STX8: variants seen among roughly 807,000 people sequenced by gnomAD.
The protein encoded by STX8 is syntaxin 8.
STX8 carries 23 observed loss-of-function variants against 37.5 expected under a neutral mutation model. The ratio of observed to expected loss-of-function variants is 0.61; its 90% confidence interval spans 0.44 to 0.87. STX8 has a LOEUF of 0.87. STX8 is among the 40% of genes least tolerant of loss of function. The pLI, the probability that STX8 is intolerant of heterozygous loss-of-function variation, is 0.00. For missense variants in STX8, 313 were observed against 284.7 expected (o/e 1.10, Z -0.71); for synonymous variants, 115 against 99.1 (o/e 1.16, Z -0.95).
intron 7 of STX8, among the ~76,000 whole-genome samples, chr17:9,305,805 C>T (rs1908964491): frequency 7.4e-6 from 1 of 134,676 alleles, no homozygotes; most frequent in Non-Finnish European, 1.5e-5. Flanking sequence ...AGTGCAGTGG[C>T]ATGATTCTGG....
chr17:9,502,479 GTTAA>G (rs762128539), intron 5 of STX8, among the ~76,000 whole-genome samples: 1 of 152,280 alleles, frequency 6.6e-6, no homozygotes, highest in African/African-American at 2.4e-5. Context: ...TTATACATAA[GTTAA>G]TTAGATTGAT....
chr17:9,469,802 C>T (rs1399493041), intron 6 of STX8: 2 of 152,176 alleles, frequency 1.3e-5, no homozygotes, highest in South Asian at 2.1e-4. Flanking sequence ...GAATCCTACA[C>T]GAGCTAGGAG....
intron 7 of STX8, among the ~76,000 whole-genome samples, chr17:9,286,853 G>T (rs1422519958): frequency 6.6e-6 from 1 of 152,108 alleles, no homozygotes; most frequent in African/African-American, 2.4e-5. Flanking sequence ...GGCTTCAGAG[G>T]TGTACCTGGG....
At chr17:9,270,109 C>T (rs1907395209) in intron 7 of STX8, among the ~76,000 whole-genome samples, 1 of 152,232 alleles carries the variant, frequency 6.6e-6, no homozygotes, top group Non-Finnish European at 1.5e-5. Context: ...CCTCTCGTGC[C>T]TAGCACAGAG....
At chr17:9,550,179 G>A (rs1199411993) in intron 3 of STX8, among the ~76,000 whole-genome samples, 7 of 151,266 alleles carry the variant, frequency 4.6e-5, no homozygotes, top group Non-Finnish European at 7.4e-5. Flanking sequence ...AGCCAAGATC[G>A]TGCCACTGCA....
chr17:9,259,143 G>C (rs773368094), intron 7 of STX8, among the ~76,000 whole-genome samples: 1 of 152,142 alleles, frequency 6.6e-6, no homozygotes, highest in Admixed American at 6.5e-5. Context: ...GGTATACTAT[G>C]ACACGTTGGG....
At chr17:9,529,968 G>A (rs1905747026) in intron 4 of STX8, among the ~76,000 whole-genome samples, 1 of 152,052 alleles carries the variant, frequency 6.6e-6, no homozygotes, top group African/African-American at 2.4e-5. Context: ...TCCAGCCTGG[G>A]CAACGTAGCA....
intron 7 of STX8, among the ~76,000 whole-genome samples, chr17:9,253,243 T>TGTGTGTGTGTGTGA (rs1164841771): frequency 6.6e-6 from 1 of 151,070 alleles, no homozygotes; most frequent in Non-Finnish European, 1.5e-5. Context: ...TGTGTGTGTG[T>TGTGTGTGTGTGTGA]GAATATCTTA....
At chr17:9,352,102 C>T (rs1015007004) in intron 7 of STX8, among the ~76,000 whole-genome samples, 1 of 148,894 alleles carries the variant, frequency 6.7e-6, no homozygotes, top group African/African-American at 2.5e-5. Flanking sequence ...CGGTGAGCTA[C>T]GATTGTGCCA....
chr17:9,355,540 T>C (rs1910851216), intron 7 of STX8, among the ~76,000 whole-genome samples: 1 of 149,700 alleles, frequency 6.7e-6, no homozygotes, highest in Non-Finnish European at 1.5e-5. Flanking sequence ...TCTCATTCTG[T>C]CGCCCAGGCT....
At chr17:9,287,748 T>C (rs1458395085) in intron 7 of STX8, among the ~76,000 whole-genome samples, 1 of 152,118 alleles carries the variant, frequency 6.6e-6, no homozygotes, top group African/African-American at 2.4e-5. Flanking sequence ...ATATGTCTTT[T>C]TACATTCTTT....
rs908429685 is a variant in STX8, at chr17:9,314,392, GT to G, written c.644-63748del. Reference sequence around the variant, plus strand: ...GATTGGGAATATATATTTTATATCTGTTTTTTTGTTTTGTTTTGTTTTTGAG... The same window carrying G: ...GATTGGGAATATATATTTTATATCTGTTTTTTGTTTTGTTTTGTTTTTGAG... On this transcript the variant is annotated intron_variant, in intron 7 of 7. Coordinates refer to ENST00000306357, the MANE Select transcript of STX8 (RefSeq NM_004853.3). Among the ~76,000 whole-genome samples, 3 of 151,908 alleles carry G rather than the reference GT, an allele frequency of 2.0e-5. No homozygotes were observed. The South Asian group carries it at 6.2e-4, about 32-fold the overall frequency.
At chr17:9,295,751 C>G (rs115633248) in intron 7 of STX8, among the ~76,000 whole-genome samples, 3 of 150,886 alleles carry the variant, frequency 2.0e-5, no homozygotes, top group Non-Finnish European at 4.4e-5. Flanking sequence ...CCCCTCCCCC[C>G]CAAAAAAAGG....
In STX8 at chr17:9,444,785, G is replaced by A. The variant is rs116900995; in HGVS notation, c.541+47044C>T. On this transcript the variant is annotated intron_variant, in intron 6 of 7. Transcript: ENST00000306357. The stretch of plus-strand genomic sequence containing the variant: ...GGATACTGGCTGTAAATATTTGCAC[G>A]GATTGTTCAATAGCTGGTTGTGCAA... Among the ~76,000 whole-genome samples the A allele has an allele frequency of 5.5e-3, 838 of 152,138 alleles. 7 individuals carry two copies. The highest frequency in any genetic ancestry group is 0.031 in the Middle Eastern group (9 of 294).
At chr17:9,433,273 G>A (rs1914039770) in intron 6 of STX8, among the ~76,000 whole-genome samples, 2 of 152,188 alleles carry the variant, frequency 1.3e-5, no homozygotes, top group African/African-American at 2.4e-5. Flanking sequence ...TGAGCTAGAC[G>A]GTCTTAACCA....
At chr17:9,296,116 G>A (rs977668979) in intron 7 of STX8, among the ~76,000 whole-genome samples, 10 of 152,316 alleles carry the variant, frequency 6.6e-5, no homozygotes, top group African/African-American at 1.7e-4. Flanking sequence ...CGCGAACCCG[G>A]GAGGCGGAGA....
At chr17:9,302,860 C>T (rs1318539621) in intron 7 of STX8, among the ~76,000 whole-genome samples, 3 of 151,758 alleles carry the variant, frequency 2.0e-5, no homozygotes, top group South Asian at 2.1e-4. Context: ...AACTCATATT[C>T]GGGGTGGTGG....
At chr17:9,292,688 C>T (rs1020278144) in intron 7 of STX8, among the ~76,000 whole-genome samples, 1 of 152,226 alleles carries the variant, frequency 6.6e-6, no homozygotes, top group African/African-American at 2.4e-5. Context: ...AGCAGCACAG[C>T]TCACAGTCCT....
chr17:9,363,610 A>C (rs1464883637), intron 7 of STX8, among the ~76,000 whole-genome samples: 2 of 152,228 alleles, frequency 1.3e-5, no homozygotes, highest in Non-Finnish European at 2.9e-5. Flanking sequence ...CACTACCAGA[A>C]AACGCGTACA....
Sources: gnomAD v4.1 joint callset for allele counts (sites outside exome capture counted in the v4.1 genomes callset) on GRCh38, gnomAD v4.1.1 for gene constraint, MANE v1.5 for transcripts, NCBI Gene and HGNC (gene_info 2026-07-23, HGNC 2026-07-21) for gene names.